GSE1: variants seen among roughly 807,000 people sequenced by gnomAD.
The protein encoded by GSE1 is genetic suppressor element 1.
GSE1 carries 32 observed loss-of-function variants against 112.6 expected under a neutral mutation model. The ratio of observed to expected loss-of-function variants is 0.28; its 90% CI spans 0.21 to 0.38. The LOEUF (loss-of-function observed/expected upper bound fraction) is 0.38. GSE1 is among the 10% of genes least tolerant of loss of function. The probability of loss-of-function intolerance (pLI) is 1.00; values close to 1 mark genes in which losing one functional copy is unlikely to be tolerated. For synonymous variants in GSE1, 1,115 were observed against 735.6 expected (o/e 1.52, Z -8.35); for missense variants, 2,348 against 1,699.2 (o/e 1.38, Z -6.71).
chr16:85,358,714 T>A (rs2047004466), intron 2 of GSE1, among the ~76,000 whole-genome samples: 2 of 152,218 alleles, frequency 1.3e-5, no homozygotes, highest in East Asian at 3.9e-4. Flanking sequence ...GGCCAGGGGC[T>A]TTAGGGACGC....
intron 2 of GSE1, among the ~76,000 whole-genome samples, chr16:85,521,477 C>T (rs926753610): frequency 3.3e-5 from 5 of 152,238 alleles, no homozygotes; most frequent in African/African-American, 1.2e-4. Flanking sequence ...AGGGCCCAGC[C>T]TGCGGGCATC....
intron 1 of GSE1, among the ~76,000 whole-genome samples, chr16:85,313,071 C>T (rs1201996997): frequency 6.6e-6 from 1 of 152,188 alleles, no homozygotes; most frequent in African/African-American, 2.4e-5. Context: ...AGCTCTGACA[C>T]TCCAGTGCAC....
intron 1 of GSE1, among the ~76,000 whole-genome samples, chr16:85,172,744 G>A (rs1413744848): frequency 6.6e-6 from 1 of 152,142 alleles, no homozygotes; most frequent in African/African-American, 2.4e-5. Flanking sequence ...AGGGACGTGT[G>A]GATGGGAAAG....
chr16:85,313,326 A>C (rs1483072607), intron 1 of GSE1, among the ~76,000 whole-genome samples: 3 of 151,886 alleles, frequency 2.0e-5, no homozygotes, highest in Admixed American at 2.0e-4. Context: ...TCCTCGAGAC[A>C]CCTGGCTTGA....
intron 2 of GSE1, among the ~76,000 whole-genome samples, chr16:85,452,431 T>A (rs2049712832): frequency 1.3e-5 from 2 of 152,204 alleles, no homozygotes; most frequent in African/African-American, 4.8e-5. Flanking sequence ...CTCTAACAAA[T>A]GCAGATGGCC....
chr16:85,634,759 C>T (rs1040579337), intron 2 of GSE1, among the ~76,000 whole-genome samples: 1 of 152,192 alleles, frequency 6.6e-6, no homozygotes, highest in African/African-American at 2.4e-5. Flanking sequence ...CTCATTTTTC[C>T]TGTCTGTGCA....
chr16:85,358,132 G>A (rs72811730), intron 2 of GSE1, among the ~76,000 whole-genome samples: 1 of 151,978 alleles, frequency 6.6e-6, no homozygotes, highest in Admixed American at 6.5e-5. Context: ...GCCAGCCACA[G>A]GCGTGCTGTG....
chr16:85,297,688 A>G (rs900041343), intron 1 of GSE1, among the ~76,000 whole-genome samples: 12 of 151,712 alleles, frequency 7.9e-5, no homozygotes, highest in African/African-American at 2.9e-4. Flanking sequence ...TTTCTTTTTT[A>G]TCTTTTGTAG....
At chr16:85,324,169 G>T (rs1014405479) in intron 1 of GSE1, among the ~76,000 whole-genome samples, 1 of 152,204 alleles carries the variant, frequency 6.6e-6, no homozygotes, top group Non-Finnish European at 1.5e-5. Context: ...GATGAACTTA[G>T]AGTTGCCCGA....
At chr16:85,332,935 A>T (rs1180909933) in intron 1 of GSE1, among the ~76,000 whole-genome samples, 2 of 151,582 alleles carry the variant, frequency 1.3e-5, no homozygotes, top group Non-Finnish European at 2.9e-5. Flanking sequence ...GGCCTTTGTG[A>T]TTGGTCTACA....
At chr16:85,237,851 GAAAA>G (rs918473288) in intron 1 of GSE1, among the ~76,000 whole-genome samples, 1 of 135,194 alleles carries the variant, frequency 7.4e-6, no homozygotes, top group African/African-American at 2.7e-5. Flanking sequence ...CAAAAAAAAA[GAAAA>G]AAAAAAAGAA....
intron 2 of GSE1, among the ~76,000 whole-genome samples, chr16:85,432,185 T>C (rs970860531): frequency 6.6e-6 from 1 of 152,262 alleles, no homozygotes; most frequent in Non-Finnish European, 1.5e-5. Flanking sequence ...GTTCTATGCA[T>C]GCAGAATGGA....
At chr16:85,655,966 A>C in intron 6 of GSE1, 49 bp downstream of exon 6, 1 of 1,465,458 alleles carries the variant, frequency 6.8e-7, no homozygotes, top group Middle Eastern at 1.9e-4. Context: ...CTGTCCCTTG[A>C]TGGCAGCTGG....
At chr16:85,189,998 A>T (rs968002596) in intron 1 of GSE1, among the ~76,000 whole-genome samples, 5 of 152,186 alleles carry the variant, frequency 3.3e-5, no homozygotes, top group African/African-American at 1.2e-4. Flanking sequence ...GGGGCTTAAG[A>T]TGTATCATCT....
intron 1 of GSE1, among the ~76,000 whole-genome samples, chr16:85,626,476 T>C (rs1375945537): frequency 6.6e-6 from 1 of 152,196 alleles, no homozygotes; most frequent in African/African-American, 2.4e-5. Flanking sequence ...CTTTATTTGT[T>C]CACAAACATT....
intron 2 of GSE1, among the ~76,000 whole-genome samples, chr16:85,470,412 G>A (rs535567311): frequency 1.4e-5 from 2 of 147,414 alleles, no homozygotes; most frequent in South Asian, 4.2e-4. Flanking sequence ...CCGAGGCCCC[G>A]GACGCAGAGC....
At chr16:85,304,608 G>GGGGC (rs1567675843) in intron 1 of GSE1, among the ~76,000 whole-genome samples, 1 of 132,098 alleles carries the variant, frequency 7.6e-6, no homozygotes, top group Non-Finnish European at 1.7e-5. Flanking sequence ...GGGCGGGGGG[G>GGGGC]TGGGGCATCC....
At chr16:85,295,566 A>G (rs970264842) in intron 1 of GSE1, among the ~76,000 whole-genome samples, 1 of 152,070 alleles carries the variant, frequency 6.6e-6, no homozygotes, top group African/African-American at 2.4e-5. Flanking sequence ...TAGCCGTGGA[A>G]GTTACAGGGC....
At chr16:85,192,270 G>A (rs1020133662) in intron 1 of GSE1, among the ~76,000 whole-genome samples, 1 of 152,222 alleles carries the variant, frequency 6.6e-6, no homozygotes, top group East Asian at 1.9e-4. Flanking sequence ...GGTTCAAATC[G>A]GGGCTCTACC....
Sources: allele counts gnomAD v4.1 joint callset (sites outside exome capture counted in the v4.1 genomes callset), GRCh38; gene constraint gnomAD v4.1.1; transcripts MANE v1.5; gene names NCBI Gene and HGNC (gene_info 2026-07-23, HGNC 2026-07-21).